MLLT3: variants seen among roughly 807,000 people sequenced by gnomAD.
The protein encoded by MLLT3 is protein AF-9.
MLLT3 carries 4 observed loss-of-function variants against 53.2 expected under a neutral mutation model. That is an observed-to-expected ratio of 0.08 (90% confidence interval 0.04 to 0.17). The LOEUF (loss-of-function observed/expected upper bound fraction) is 0.17, where lower values mean the gene tolerates loss of function less well. Ranked by LOEUF, MLLT3 falls within the 10% of genes least tolerant of loss-of-function variation. The pLI is 1.00. For missense variants in MLLT3, 569 were observed against 684.0 expected, an observed-to-expected ratio of 0.83 and a Z score of 1.87; for synonymous variants, 283 against 230.6, an observed-to-expected ratio of 1.23 and a Z score of -2.06.
rs2118776312 is a variant in MLLT3, at chr9:20,414,150, G to T, written c.696C>A (p.Ser232=). The part of the protein sequence containing the change: ...SRDHNKSSKE[S]SKKPKENKPL... ...GTTTATTTTCTTTGGGTTTCTTAGAGGATTCTTTGGAAGATTTGTTGTGAT... is the reference window on the plus strand; with the variant it reads ...GTTTATTTTCTTTGGGTTTCTTAGATGATTCTTTGGAAGATTTGTTGTGAT... Residue 232 remains serine, a synonymous_variant, in exon 5 of 11, where the codon TCC becomes TCA. Coordinates refer to ENST00000380338, the MANE Select transcript of MLLT3 (RefSeq NM_004529.4). The T allele has an allele frequency of 6.2e-7, 1 of 1,614,084 alleles. No individual in the cohort carries two copies. Among genetic ancestry groups the T allele is most frequent in the Non-Finnish European group, 8.5e-7 (1 of 1,179,996 alleles).
rs537928889 is a variant in MLLT3 at position 20,365,172 on chromosome 9, G to A, written c.1201+497C>T. 1.1e-4 allele frequency among the ~76,000 whole-genome samples: 16 copies of A among 152,288 alleles called. No homozygotes were observed. The South Asian group carries it at 3.1e-3, about 30-fold the overall frequency. ...GTAGCAATGACAATCTGATGGCAGGGACCGGAAAAAGGGGAATTTCTAGAG... is the reference window on the plus strand; with the variant it reads ...GTAGCAATGACAATCTGATGGCAGGAACCGGAAAAAGGGGAATTTCTAGAG... On this transcript the variant is annotated intron_variant, in intron 6 of 10. Transcript: ENST00000380338.
chr9:20,585,952 T>C (rs73648233), intron 2 of MLLT3, among the ~76,000 whole-genome samples: 3,266 of 152,270 alleles, frequency 0.021, 117 homozygotes, highest in African/African-American at 0.075. Context: ...ACTGGATGGA[T>C]TGGTTAGAGA....
intron 2 of MLLT3, among the ~76,000 whole-genome samples, chr9:20,536,104 T>C (rs1818476773): frequency 6.6e-6 from 1 of 151,954 alleles, no homozygotes. Context: ...ATTAGAAAAA[T>C]CAAAGAGCCA....
intron 5 of MLLT3, among the ~76,000 whole-genome samples, chr9:20,410,272 T>A (rs539998691): frequency 6.6e-6 from 1 of 151,888 alleles, no homozygotes; most frequent in African/African-American, 2.4e-5. Context: ...AGAGAAAAAA[T>A]CTCTTTCAAA....
intron 4 of MLLT3, among the ~76,000 whole-genome samples, chr9:20,421,205 A>G (rs10964558): frequency 0.11 from 16,613 of 152,202 alleles, 1,184 homozygotes; most frequent in Non-Finnish European, 0.16. Context: ...TGGAGGTTTC[A>G]GTGAGCCAAG....
At chr9:20,404,792 C>G (rs1822540239) in intron 5 of MLLT3, among the ~76,000 whole-genome samples, 1 of 152,154 alleles carries the variant, frequency 6.6e-6, no homozygotes, top group African/African-American at 2.4e-5. Context: ...AGGCTTCAGC[C>G]ACTGTGCCCA....
intron 2 of MLLT3, among the ~76,000 whole-genome samples, chr9:20,597,253 C>T (rs549995234): frequency 1.3e-5 from 2 of 151,868 alleles, no homozygotes; most frequent in African/African-American, 4.8e-5. Context: ...CTCAGCCTGG[C>T]ACACAGTAGG....
intron 9 of MLLT3, 124 bp downstream of exon 9, chr9:20,354,684 G>A (rs1410503032): frequency 1.5e-6 from 1 of 665,698 alleles, no homozygotes; most frequent in Non-Finnish European, 2.7e-6. Context: ...CTCATCATTT[G>A]GGCATCTTGG....
intron 5 of MLLT3, among the ~76,000 whole-genome samples, chr9:20,369,546 A>C (rs946699576): frequency 1.3e-5 from 2 of 152,170 alleles, no homozygotes; most frequent in Non-Finnish European, 2.9e-5. Flanking sequence ...AAACTAACTT[A>C]ATCTGCCTAG....
intron 2 of MLLT3, among the ~76,000 whole-genome samples, chr9:20,547,909 A>G (rs1322773472): frequency 1.3e-5 from 2 of 152,208 alleles, no homozygotes; most frequent in Non-Finnish European, 2.9e-5. Flanking sequence ...CTGAGATCAC[A>G]TGACTGCACT....
chr9:20,582,923 T>C (rs1178144932), intron 2 of MLLT3, among the ~76,000 whole-genome samples: 3 of 152,148 alleles, frequency 2.0e-5, no homozygotes, highest in African/African-American at 7.2e-5. Flanking sequence ...CAAAATCTCA[T>C]GTTCTCACAT....
chr9:20,420,989 C>G (rs1328382614), intron 4 of MLLT3, among the ~76,000 whole-genome samples: 12 of 152,146 alleles, frequency 7.9e-5, no homozygotes, highest in African/African-American at 2.9e-4. Context: ...TTAGGCCAGG[C>G]ACAGTGGCTC....
In MLLT3 at chr9:20,476,640, G is replaced by C. The variant is rs138045193; in HGVS notation, c.194-19854C>G. ...GGCTCTATAAATCATATGGTACCTG[G>C]TTGAGATTCCTTGGAAATGCCAATG... On this transcript the variant is annotated intron_variant, in intron 2 of 10. Coordinates refer to ENST00000380338, the MANE Select transcript of MLLT3 (RefSeq NM_004529.4). Among the ~76,000 whole-genome samples the C allele has an allele frequency of 3.0e-4, 45 of 152,228 alleles. No homozygotes were observed. In the East Asian group the frequency reaches 4.8e-3, roughly 16 times the overall value.
At chr9:20,405,110 T>C (rs966636430) in intron 5 of MLLT3, among the ~76,000 whole-genome samples, 1 of 152,180 alleles carries the variant, frequency 6.6e-6, no homozygotes, top group African/African-American at 2.4e-5. Flanking sequence ...AGAAATGAGA[T>C]ATATGAAACA....
intron 4 of MLLT3, among the ~76,000 whole-genome samples, chr9:20,421,439 G>C (rs1328331960): frequency 1.3e-5 from 2 of 152,008 alleles, no homozygotes; most frequent in Non-Finnish European, 2.9e-5. Flanking sequence ...GGAGAAGAGA[G>C]AAACCAAGTA....
At chr9:20,376,220 AGAG>A (rs1821761437) in intron 5 of MLLT3, among the ~76,000 whole-genome samples, 1 of 152,244 alleles carries the variant, frequency 6.6e-6, no homozygotes, top group African/African-American at 2.4e-5. Context: ...CTGTAACCAC[AGAG>A]AAGACTCTAC....
intron 2 of MLLT3, among the ~76,000 whole-genome samples, chr9:20,465,955 A>G (rs771259749): frequency 4.0e-4 from 61 of 152,152 alleles, no homozygotes; most frequent in Non-Finnish European, 8.1e-4. Flanking sequence ...ACCAGGGAAA[A>G]TCCAGTTTCT....
chr9:20,579,650 G>A (rs998512977), intron 2 of MLLT3, among the ~76,000 whole-genome samples: 5 of 152,216 alleles, frequency 3.3e-5, no homozygotes, highest in African/African-American at 1.2e-4. Context: ...TTTCCTATGA[G>A]AAAGTAAAGT....
intron 2 of MLLT3, among the ~76,000 whole-genome samples, chr9:20,596,499 G>A (rs1820270754): frequency 6.6e-6 from 1 of 152,178 alleles, no homozygotes; most frequent in African/African-American, 2.4e-5. Context: ...AGACCAGCCT[G>A]GCCAACATGG....
Sources: allele counts gnomAD v4.1 joint callset (sites outside exome capture counted in the v4.1 genomes callset), GRCh38; gene constraint gnomAD v4.1.1; transcripts MANE v1.5; gene names NCBI Gene and HGNC (gene_info 2026-07-23, HGNC 2026-07-21).